The following TMEM181 variants were observed in gnomAD, a reference collection of about 807,000 sequenced individuals.
The protein encoded by TMEM181 is G protein-coupled receptor 178.
In TMEM181, 39 loss-of-function variants were observed where a neutral mutation model predicts 71.9. The ratio of observed to expected loss-of-function variants is 0.54; its 90% CI spans 0.42 to 0.71. TMEM181 has a LOEUF of 0.71. TMEM181 is among the 30% of genes least tolerant of loss of function. TMEM181 has a pLI of 0.00. For missense variants in TMEM181, 595 were observed against 583.0 expected (o/e 1.02, Z -0.21); for synonymous variants, 245 against 228.8 (o/e 1.07, Z -0.64).
intron 10 of TMEM181, among the ~76,000 whole-genome samples, chr6:158,616,278 CTTTG>C (rs1785609143): frequency 1.2e-4 from 3 of 24,924 alleles, no homozygotes; most frequent in South Asian, 7.9e-4. Flanking sequence ...TGATTTGGCT[CTTTG>C]TTTGTCTGTT....
At chr6:158,618,940 A>G (rs1029793916) in intron 10 of TMEM181, among the ~76,000 whole-genome samples, 1 of 151,938 alleles carries the variant, frequency 6.6e-6, no homozygotes, top group East Asian at 1.9e-4. Context: ...GTTCATTTCA[A>G]CCTTGGTGAA....
At chr6:158,556,308 G>A (rs185512080), upstream of TMEM181, among the ~76,000 whole-genome samples, 2 of 152,164 alleles carry the variant, frequency 1.3e-5, no homozygotes, top group African/African-American at 2.4e-5. Flanking sequence ...CCACACACCC[G>A]TTCTAAGAAT....
At chr6:158,588,449 TTTTG>T (rs1783912950) in intron 5 of TMEM181, among the ~76,000 whole-genome samples, 2 of 152,096 alleles carry the variant, frequency 1.3e-5, no homozygotes, top group African/African-American at 2.4e-5. Flanking sequence ...TTTTGTTTGT[TTTTG>T]TTTGTTTGTT....
chr6:158,600,144 A>G (rs1235410796), intron 6 of TMEM181, among the ~76,000 whole-genome samples: 1 of 152,150 alleles, frequency 6.6e-6, no homozygotes, highest in Non-Finnish European at 1.5e-5. Context: ...AGCTACATTT[A>G]TTGAATAAAG....
intron 1 of TMEM181, among the ~76,000 whole-genome samples, chr6:158,538,529 G>T (rs775994276): frequency 6.6e-6 from 1 of 151,416 alleles, no homozygotes; most frequent in Non-Finnish European, 1.5e-5. Context: ...TGGAATGATC[G>T]CAGTGCAAAT....
chr6:158,626,955 CA>C, intron 13 of TMEM181, among the ~76,000 whole-genome samples: 1 of 121,190 alleles, frequency 8.3e-6, no homozygotes, highest in Non-Finnish European at 2.0e-5. Context: ...CCCTCACCCT[CA>C]CTCACACCCT....
chr6:158,572,238 G>A (rs149433825), intron 1 of TMEM181, among the ~76,000 whole-genome samples: 1 of 152,358 alleles, frequency 6.6e-6, no homozygotes, highest in East Asian at 1.9e-4. Context: ...GTGCTGCGGG[G>A]ATGTGGGCAC....
intron 10 of TMEM181, among the ~76,000 whole-genome samples, chr6:158,622,512 A>C (rs1469849478): frequency 6.6e-6 from 1 of 152,230 alleles, no homozygotes; most frequent in Non-Finnish European, 1.5e-5. Context: ...TACACAGGAC[A>C]AAGGGGTGGC....
intron 10 of TMEM181, chr6:158,610,931 G>A (rs1435788817): frequency 1.4e-5 from 6 of 413,916 alleles, no homozygotes; most frequent in East Asian, 5.5e-5. Flanking sequence ...TCAGTGGGAC[G>A]GGTTCCTCCT....
chr6:158,549,110 CTTTTTTTTTTTT>C (rs33969411), intron 1 of TMEM181, among the ~76,000 whole-genome samples: 1 of 67,514 alleles, frequency 1.5e-5, no homozygotes, highest in Non-Finnish European at 2.8e-5. Context: ...GTGCACACTT[CTTTTTTTTTTTT>C]TTTTTTTTTT....
intron 2 of TMEM181, among the ~76,000 whole-genome samples, chr6:158,574,912 C>A (rs1482950403): frequency 1.3e-5 from 2 of 152,178 alleles, no homozygotes; most frequent in African/African-American, 4.8e-5. Flanking sequence ...GGCATGAGAA[C>A]TAGGAGAGCT....
intron 12 of TMEM181, 114 bp downstream of exon 12, chr6:158,625,320 TC>T: frequency 2.2e-6 from 2 of 898,468 alleles, no homozygotes; most frequent in South Asian, 1.4e-5. Flanking sequence ...CAGGGACTGG[TC>T]CATTCCCACA....
Position 158,553,498 on chromosome 6 carries a change from C to T in TMEM181, c.131+16633C>T, listed in dbSNP as rs570886596. 4.6e-5 allele frequency among the ~76,000 whole-genome samples: 7 copies of T among 152,298 alleles called. No individual in the cohort carries two copies. The South Asian group carries it at 1.5e-3, about 32-fold the overall frequency. ...TTTGTCAATAACTCAGAAGATACAG[C>T]TATTTTTATTAAACCAACAATATTA... On this transcript the variant is annotated intron_variant, in intron 1 of 16. Coordinates refer to the TMEM181 transcript ENST00000367090.
intron 7 of TMEM181, among the ~76,000 whole-genome samples, chr6:158,606,872 G>A (rs891337335): frequency 2.0e-5 from 3 of 152,220 alleles, no homozygotes; most frequent in Non-Finnish European, 2.9e-5. Flanking sequence ...GGGTGGGTTC[G>A]TCTGAGTGCT....
chr6:158,609,434 T>A (rs764690721), intron 10 of TMEM181, among the ~76,000 whole-genome samples: 1 of 152,076 alleles, frequency 6.6e-6, no homozygotes, highest in Non-Finnish European at 1.5e-5. Flanking sequence ...TCACACTCCT[T>A]CTTTGCTCCT....
chr6:158,544,403 G>A (rs913943631), intron 1 of TMEM181, among the ~76,000 whole-genome samples: 12 of 152,082 alleles, frequency 7.9e-5, no homozygotes, highest in Admixed American at 7.9e-4. Context: ...GACACAAGGA[G>A]CCACTCCAGG....
At chr6:158,616,157 C>T (rs113152018) in intron 10 of TMEM181, among the ~76,000 whole-genome samples, 4 of 152,114 alleles carry the variant, frequency 2.6e-5, no homozygotes, top group Admixed American at 1.3e-4. Flanking sequence ...TCTTTTATTT[C>T]GTTGAGCAGT....
intron 1 of TMEM181, among the ~76,000 whole-genome samples, chr6:158,571,307 A>T (rs777818100): frequency 1.3e-5 from 2 of 149,062 alleles, no homozygotes; most frequent in African/African-American, 5.0e-5. Context: ...CCGTGTTAGC[A>T]GGATGGTCTC....
chr6:158,630,097 T>C (rs557161489), intron 15 of TMEM181, among the ~76,000 whole-genome samples: 27 of 152,358 alleles, frequency 1.8e-4, no homozygotes, highest in African/African-American at 6.0e-4. Context: ...TTTTTGACTT[T>C]ACAATGATGC....
Sources: gnomAD v4.1 joint callset for allele counts (sites outside exome capture counted in the v4.1 genomes callset) on GRCh38, gnomAD v4.1.1 for gene constraint, MANE v1.5 for transcripts, NCBI Gene and HGNC (gene_info 2026-07-23, HGNC 2026-07-21) for gene names.